Variants in NUP62 observed in about 807,000 individuals in gnomAD.
NUP62 encodes nuclear pore glycoprotein p62.
For synonymous variants in NUP62, 305 were observed against 303.4 expected, an observed-to-expected ratio of 1.01 and a Z score of -0.05; for missense variants, 647 against 689.4, an observed-to-expected ratio of 0.94 and a Z score of 0.69.
chr19:49,912,153 C>T (rs2075480313), intron 2 of NUP62, among the ~76,000 whole-genome samples: 1 of 148,376 alleles, frequency 6.7e-6, no homozygotes, highest in Admixed American at 6.8e-5. Context: ...ACTTGTCTGG[C>T]TTAACAGTTC....
In NUP62 at chr19:49,909,478, G is replaced by C. The variant is rs2075405829; in HGVS notation, c.330C>G (p.Asn110Lys). ...SNTAATPAMA[N>K]PSGFGLGSSN... ...TGCTGCCCAGCCCAAAGCCGCTGGG[G>C]TTTGCCATGGCTGGGGTGGCAGCTG... The change falls in exon 3 of 3, where the codon AAC becomes AAG. Residue 110 changes from asparagine to lysine, a missense_variant. Coordinates refer to ENST00000352066, the MANE Select transcript of NUP62 (RefSeq NM_016553.5). 1 of 1,614,182 alleles carries C rather than the reference G, an allele frequency of 6.2e-7. No individual in the cohort carries two copies.
At position 49,907,366 on chromosome 19, in the gene NUP62, TTCC is replaced by T; in HGVS notation, c.*870_*872del. 1 of 325,456 alleles carries T rather than the reference TTCC, an allele frequency of 3.1e-6. No individual in the cohort carries two copies. Among genetic ancestry groups the T allele is most frequent in the Non-Finnish European group, 5.9e-6 (1 of 168,922 alleles). 20.2% of individuals were successfully genotyped at this position (325,456 alleles called of 1,614,324 possible). ...CAGGCCTCTCGGCGCCCATCTGTGG[TTCC>T]TCAACACCCTGTGTGTGCAGGCCCC... is the stretch of plus-strand genomic sequence containing the variant. On this transcript the variant is annotated 3_prime_UTR_variant, in exon 3 of 3. Coordinates refer to ENST00000352066, the MANE Select transcript of NUP62 (RefSeq NM_016553.5).
At chr19:49,915,969 T>C (rs1011704207) in intron 2 of NUP62, among the ~76,000 whole-genome samples, 1 of 152,222 alleles carries the variant, frequency 6.6e-6, no homozygotes, top group African/African-American at 2.4e-5. Flanking sequence ...TTCCCTGCTG[T>C]ATTCGCAGCA....
intron 1 of NUP62, 99 bp downstream of exon 1, chr19:49,929,227 T>C (rs972927982): frequency 4.6e-5 from 7 of 153,004 alleles, no homozygotes; most frequent in African/African-American, 1.7e-4. Context: ...CGGATCACAG[T>C]CTCTTCTCAC....
rs1294023818 is a variant in NUP62 at position 49,921,533 on chromosome 19, G to GGC, written c.-78+6159_-78+6160dup. On this transcript the variant is annotated intron_variant, in intron 2 of 2. Transcript: ENST00000352066. The surrounding 1 kb of genome is among the most constrained non-coding windows in gnomAD (Gnocchi z 5.4). ...CTGAGACGCCTGCAGGGAAGAGAGG[G>GGC]GCGTCCGCTGCTCGCCAACCCCCAT... Among the ~76,000 whole-genome samples, 9 of 152,176 alleles carry GGC rather than the reference G, an allele frequency of 5.9e-5. No individual in the cohort carries two copies. The highest frequency in any genetic ancestry group is 1.7e-4 in the African/African-American group (7 of 41,432).
At chr19:49,917,176 G>T (rs574239180) in intron 2 of NUP62, among the ~76,000 whole-genome samples, 1 of 152,336 alleles carries the variant, frequency 6.6e-6, no homozygotes, top group African/African-American at 2.4e-5. Flanking sequence ...AGAGAAACAA[G>T]GGGAGATCAG....
chr19:49,920,803 G>A (rs972199987), intron 2 of NUP62, among the ~76,000 whole-genome samples: 3 of 152,224 alleles, frequency 2.0e-5, no homozygotes, highest in African/African-American at 4.8e-5. Context: ...TCAGGGCTGA[G>A]GGACTCTGAG....
chr19:49,914,742 T>G (rs1472233379), intron 2 of NUP62, among the ~76,000 whole-genome samples: 6 of 128,676 alleles, frequency 4.7e-5, no homozygotes, highest in African/African-American at 1.2e-4. Context: ...TTTTTTTTTT[T>G]TTTTTTTTTT....
intron 2 of NUP62, among the ~76,000 whole-genome samples, chr19:49,912,578 A>G (rs2075498973): frequency 6.6e-6 from 1 of 151,762 alleles, no homozygotes. Flanking sequence ...CGCAGTTTAG[A>G]TATGGCCAGG....
At chr19:49,925,540 T>C (rs564471772) in intron 2 of NUP62, among the ~76,000 whole-genome samples, 171 of 151,630 alleles carry the variant, frequency 1.1e-3, no homozygotes, top group African/African-American at 3.9e-3. Context: ...GCACATTCCA[T>C]AAAATACCCA....
Position 49,907,448 on chromosome 19 carries a change from T to C in NUP62, c.*791A>G. The C allele has an allele frequency of 2.4e-6, 1 of 424,510 alleles. No homozygotes were observed. The highest frequency in any genetic ancestry group is 4.6e-6 in the Non-Finnish European group (1 of 218,998). The allele number at this position is 424,510 out of a possible 1,614,324, so 26.3% of individuals were successfully genotyped here. On this transcript the variant is annotated 3_prime_UTR_variant, in exon 3 of 3. Transcript: ENST00000352066. ...TGATCCCGCTCTGTTCTATTCACAC[T>C]GTGCTGCTTTGCCTTGGTGGTTAGC...
chr19:49,927,144 A>G (rs1399393106), intron 2 of NUP62, among the ~76,000 whole-genome samples: 1 of 152,084 alleles, frequency 6.6e-6, no homozygotes, highest in Non-Finnish European at 1.5e-5. Flanking sequence ...TACAGGCATG[A>G]GCCACCGTGC....
chr19:49,907,298 AGGTGAGGCCCAAGGTGGG>A lies in NUP62; in HGVS notation c.*923_*940del, dbSNP rs1418528013. On this transcript the variant is annotated 3_prime_UTR_variant, in exon 3 of 3. Coordinates refer to ENST00000352066, the MANE Select transcript of NUP62 (RefSeq NM_016553.5). ...GGTAGCTGGGAAGGCTTCCTGGAGG[AGGTGAGGCCCAAGGTGGG>A]GGTGAGCCTGGGCCAGGCAAAAGGC... is the stretch of plus-strand genomic sequence containing the variant. 3.4e-6 allele frequency: 1 copy of A among 296,976 alleles called. No individual in the cohort carries two copies. Among genetic ancestry groups the A allele is most frequent in the African/African-American group, 2.3e-5 (1 of 43,058 alleles). 18.4% of individuals were successfully genotyped at this position (296,976 alleles called of 1,614,324 possible). A position where few individuals can be genotyped will look rare whatever the true frequency, so the allele number is the denominator to read the frequency against.
Position 49,909,158 on chromosome 19 carries a change from G to C in NUP62, c.650C>G (p.Thr217Ser), listed in dbSNP as rs752431497. 3.7e-6 allele frequency: 6 copies of C among 1,613,368 alleles called. No homozygotes were observed. Among genetic ancestry groups the C allele is most frequent in the Non-Finnish European group, 4.2e-6 (5 of 1,179,862 alleles). Residue 217 changes from threonine to serine, a missense_variant, in exon 3 of 3, where the codon ACT (threonine) becomes AGT (serine). Coordinates refer to ENST00000352066, the MANE Select transcript of NUP62 (RefSeq NM_016553.5). Reference protein sequence around the residue: ...APTPTATITSTGPSLFASIAT... With the variant: ...APTPTATITSSGPSLFASIAT... ...TATTGACGCAAAGAGGCTGGGCCCA[G>C]TGCTGGTGATGGTGGCTGTGGGTGT...
intron 2 of NUP62, among the ~76,000 whole-genome samples, chr19:49,918,037 A>G (rs1304337419): frequency 6.6e-6 from 1 of 151,862 alleles, no homozygotes; most frequent in Non-Finnish European, 1.5e-5. Context: ...AAACAAACAA[A>G]CAAAAACCCA....
intron 2 of NUP62, among the ~76,000 whole-genome samples, chr19:49,926,696 C>A (rs1321934373): frequency 2.0e-5 from 3 of 152,132 alleles, no homozygotes; most frequent in East Asian, 1.9e-4. Context: ...TGCTTTTGTT[C>A]AAAAATCTAT....
At chr19:49,918,988 A>G (rs547181485) in intron 2 of NUP62, among the ~76,000 whole-genome samples, 18 of 151,590 alleles carry the variant, frequency 1.2e-4, no homozygotes, top group South Asian at 8.4e-4. Context: ...CATCTCTACA[A>G]AAAAAAATTA....
At chr19:49,910,505 C>A (rs1249106796) in intron 2 of NUP62, among the ~76,000 whole-genome samples, 1 of 152,180 alleles carries the variant, frequency 6.6e-6, no homozygotes, top group Non-Finnish European at 1.5e-5. Flanking sequence ...ACAGATGCCC[C>A]TGGCTGCAGT....
intron 2 of NUP62, chr19:49,911,222 A>G (rs573963287): frequency 6.6e-6 from 1 of 152,358 alleles, no homozygotes; most frequent in Non-Finnish European, 1.5e-5. Context: ...TAGAAGACGG[A>G]TTTGACTGAC....
Sources: allele counts gnomAD v4.1 joint callset (sites outside exome capture counted in the v4.1 genomes callset), GRCh38; gene constraint gnomAD v4.1.1; non-coding constraint Gnocchi (gnomAD v3.1); transcripts MANE v1.5; gene names NCBI Gene and HGNC (gene_info 2026-07-23, HGNC 2026-07-21).